Variants in ODF2 observed in about 807,000 individuals in gnomAD.
ODF2 encodes outer dense fiber protein 2.
In ODF2, 47 loss-of-function variants were observed where a neutral mutation model predicts 110.2. The ratio of observed to expected loss-of-function variants is 0.43; its 90% confidence interval spans 0.34 to 0.54. ODF2 has a LOEUF of 0.54. Ranked by LOEUF, ODF2 falls within the 20% of genes least tolerant of loss-of-function variation. ODF2 has a pLI of 0.03. For missense variants in ODF2, 812 were observed against 1,054.5 expected, an observed-to-expected ratio of 0.77 and a Z score of 3.19; for synonymous variants, 352 against 397.7, an observed-to-expected ratio of 0.89 and a Z score of 1.37.
intron 10 of ODF2, among the ~76,000 whole-genome samples, chr9:128,483,552 C>T (rs1489648579): frequency 6.7e-6 from 1 of 150,296 alleles, no homozygotes; most frequent in Non-Finnish European, 1.5e-5. Context: ...CACTGCACTC[C>T]AGCCTTGGCA....
exon 4 of ODF2, chr9:128,460,962 G>A (rs1836290084): frequency 3.1e-6 from 5 of 1,614,220 alleles, no homozygotes; most frequent in Non-Finnish European, 4.2e-6. Flanking sequence ...AGCGAGGAAT[G>A]AAAGGGGACA....
At chr9:128,460,455 T>C in intron 3 of ODF2, 95 bp from the exon 3 acceptor site, 1 of 1,544,570 alleles carries the variant, frequency 6.5e-7, no homozygotes, top group Non-Finnish European at 8.7e-7. Flanking sequence ...GGCTAGGCTT[T>C]TTGGTGGCCC....
chr9:128,482,307 C>T (rs972191566), intron 9 of ODF2, among the ~76,000 whole-genome samples: 1 of 152,192 alleles, frequency 6.6e-6, no homozygotes, highest in East Asian at 1.9e-4. Flanking sequence ...GCAGCAAGCT[C>T]GGCGATAATG....
chr9:128,464,156 C>CTT lies in ODF2; in HGVS notation c.249+3105_249+3106dup, dbSNP rs1288565881. 8.3e-4 allele frequency among the ~76,000 whole-genome samples: 99 copies of CTT among 118,570 alleles called. 1 individual carries two copies. The highest frequency in any genetic ancestry group is 1.8e-3 in the East Asian group (7 of 3,952). The allele number at this position is 118,570 out of a possible 152,430, so 77.8% of individuals were successfully genotyped here. ...CACCACCACGCACAGCCAAAAATGCCTTTTTTTTTTTTTTTTTGAGACGGA... is the reference window on the plus strand; with the variant it reads ...CACCACCACGCACAGCCAAAAATGCCTTTTTTTTTTTTTTTTTTTGAGACGGA... On this transcript the variant is annotated intron_variant, in intron 4 of 20. Coordinates refer to ENST00000604420, the Ensembl canonical transcript of ODF2.
intron 4 of ODF2, among the ~76,000 whole-genome samples, chr9:128,465,229 G>A (rs1357923822): frequency 3.3e-5 from 5 of 152,126 alleles, no homozygotes; most frequent in Non-Finnish European, 5.9e-5. Context: ...CTTTCCACTT[G>A]CCAGTGGCTT....
exon 10 of ODF2, chr9:128,482,833 G>A: frequency 1.9e-6 from 3 of 1,613,166 alleles, no homozygotes; most frequent in African/African-American, 2.7e-5. Flanking sequence ...TGTTACTGCT[G>A]CAAGACAAGG....
exon 5 of ODF2, chr9:128,469,211 C>T (rs1278268783): frequency 3.1e-6 from 5 of 1,613,912 alleles, no homozygotes; most frequent in Non-Finnish European, 4.2e-6. Flanking sequence ...GAGATCACGC[C>T]ACCATCTTCA....
intron 14 of ODF2, among the ~76,000 whole-genome samples, chr9:128,490,787 TACGG>T (rs1220340362): frequency 6.6e-6 from 1 of 152,204 alleles, no homozygotes. Context: ...TAACTATATT[TACGG>T]ACATCTGTTA....
intron 4 of ODF2, among the ~76,000 whole-genome samples, chr9:128,467,255 C>T (rs1838449179): frequency 6.6e-6 from 1 of 150,386 alleles, no homozygotes; most frequent in Non-Finnish European, 1.5e-5. Flanking sequence ...ATACTGTAGG[C>T]AACTAACACA....
chr9:128,487,553 C>T (rs746679293), intron 13 of ODF2, among the ~76,000 whole-genome samples: 21 of 151,938 alleles, frequency 1.4e-4, no homozygotes, highest in Non-Finnish European at 2.4e-4. Context: ...TTTGGGAGGC[C>T]GAGGCGGGCA....
At chr9:128,465,382 A>G (rs564300515) in intron 4 of ODF2, among the ~76,000 whole-genome samples, 6 of 152,342 alleles carry the variant, frequency 3.9e-5, no homozygotes, top group African/African-American at 1.4e-4. Flanking sequence ...TTGATATCTT[A>G]CAACTCCTGG....
rs867611471 is a variant in ODF2 at position 128,496,222 on chromosome 9, G to A, written c.2012+81G>A. 3 of 1,596,462 alleles carry A rather than the reference G, an allele frequency of 1.9e-6. No homozygotes were observed. In the Middle Eastern group the frequency reaches 5.0e-4, roughly 266 times the overall value. ...CACTTAGCTGTTTTTTGCTTAGTGT[G>A]CGGAAGTGTTGAGGGACTCGAGGCC... On this transcript the variant is annotated intron_variant, in intron 18 of 20. Coordinates refer to ENST00000604420, the Ensembl canonical transcript of ODF2.
At chr9:128,455,258 A>G, upstream of ODF2, 3 of 1,534,064 alleles carry the variant, frequency 2.0e-6, no homozygotes, top group South Asian at 1.2e-5. Context: ...TAGAGAGTGC[A>G]GGAGGGTAGT....
At position 128,468,444 on chromosome 9, in the gene ODF2, A is replaced by G. The variant is rs539098659; in HGVS notation, c.250-739A>G. 1.0e-3 allele frequency among the ~76,000 whole-genome samples: 157 copies of G among 152,244 alleles called. 1 individual carries two copies. Among genetic ancestry groups the G allele is most frequent in the Admixed American group, 3.0e-3 (46 of 15,274 alleles). The stretch of plus-strand genomic sequence containing the variant: ...CAGTGGTGCTATCATAGCTCACTGC[A>G]GCCTTGAACTCCTGGACTCAAGGAA... On this transcript the variant is annotated intron_variant, in intron 4 of 20. Coordinates refer to ENST00000604420, the Ensembl canonical transcript of ODF2.
intron 5 of ODF2, among the ~76,000 whole-genome samples, chr9:128,470,595 C>T (rs1352755256): frequency 6.6e-6 from 1 of 151,836 alleles, no homozygotes; most frequent in Admixed American, 6.6e-5. Context: ...TGCACTCCAG[C>T]CTGGATGACA....
intron 20 of ODF2, among the ~76,000 whole-genome samples, chr9:128,499,410 C>T (rs1391459502): frequency 6.6e-6 from 1 of 152,070 alleles, no homozygotes; most frequent in African/African-American, 2.4e-5. Context: ...CACCCTCAGC[C>T]TCCCAAGTAG....
intron 3 of ODF2, 26 bp downstream of exon 3, chr9:128,460,692 T>A (rs775805534): frequency 6.2e-7 from 1 of 1,613,226 alleles, no homozygotes. Flanking sequence ...TGGGGCGAGG[T>A]AGTAGCTGTG....
intron 1 of ODF2, chr9:128,456,878 A>C: frequency 7.8e-7 from 1 of 1,285,272 alleles, no homozygotes. Flanking sequence ...CCCTCCTTTA[A>C]ACACTATTGG....
chr9:128,476,926 A>C (rs1258793767), intron 8 of ODF2, among the ~76,000 whole-genome samples: 1 of 149,472 alleles, frequency 6.7e-6, no homozygotes, highest in African/African-American at 2.4e-5. Flanking sequence ...GGCATGAGCC[A>C]CCGCGCCCGG....
Sources: allele counts gnomAD v4.1 joint callset (sites outside exome capture counted in the v4.1 genomes callset), GRCh38; gene constraint gnomAD v4.1.1; transcripts MANE v1.5; gene names NCBI Gene and HGNC (gene_info 2026-07-23, HGNC 2026-07-21).